DAB1: variants seen among roughly 807,000 people sequenced by gnomAD.
The protein encoded by DAB1 is disabled homolog 1.
Under a neutral mutation model 64.6 loss-of-function variants are expected in DAB1, and 15 were observed. The ratio of observed to expected loss-of-function variants is 0.23; its 90% confidence interval spans 0.16 to 0.36. DAB1 has a LOEUF of 0.36. Among genes scored for constraint, DAB1 ranks in the 10% least tolerant of loss-of-function variants. The pLI, the probability that DAB1 is intolerant of heterozygous loss-of-function variation, is 1.00. For synonymous variants in DAB1, 235 were observed against 251.9 expected (o/e 0.93, Z 0.64); for missense variants, 596 against 706.7 (o/e 0.84, Z 1.78).
intron 6 of DAB1, among the ~76,000 whole-genome samples, chr1:57,700,105 G>T (rs1646890134): frequency 1.3e-5 from 2 of 152,038 alleles, no homozygotes. Flanking sequence ...CTCCTCAGGT[G>T]CAATTGGTCA....
chr1:58,233,708 T>C (rs1264958486), intron 4 of DAB1, among the ~76,000 whole-genome samples: 1 of 151,950 alleles, frequency 6.6e-6, no homozygotes, highest in Non-Finnish European at 1.5e-5. Context: ...AAACCTGGAG[T>C]CCAGAAGGTC....
At chr1:58,476,872 G>C (rs528870050) in intron 3 of DAB1, among the ~76,000 whole-genome samples, 2 of 152,332 alleles carry the variant, frequency 1.3e-5, no homozygotes, top group African/African-American at 4.8e-5. Flanking sequence ...GTAAGTGGCA[G>C]TACATGGAGG....
chr1:58,172,048 C>T (rs547321408), intron 4 of DAB1, among the ~76,000 whole-genome samples: 81 of 152,226 alleles, frequency 5.3e-4, no homozygotes, highest in African/African-American at 1.6e-3. Flanking sequence ...TATGGATCCC[C>T]GGATACAGCG....
At chr1:58,214,824 A>G (rs139506673) in intron 4 of DAB1, among the ~76,000 whole-genome samples, 1,565 of 152,320 alleles carry the variant, frequency 0.01, 8 homozygotes, top group South Asian at 0.032. Flanking sequence ...GCAAATCTAA[A>G]GTAACTGCTC....
At chr1:57,670,965 T>G (rs1239484740) in intron 6 of DAB1, among the ~76,000 whole-genome samples, 1 of 152,162 alleles carries the variant, frequency 6.6e-6, no homozygotes, top group Non-Finnish European at 1.5e-5. Context: ...TCCCATATAT[T>G]TTAAATCATC....
At chr1:57,968,589 T>A (rs888376927) in intron 5 of DAB1, among the ~76,000 whole-genome samples, 2 of 152,144 alleles carry the variant, frequency 1.3e-5, no homozygotes, top group African/African-American at 4.8e-5. Flanking sequence ...AGAACACAGA[T>A]GCATGAGTCA....
At chr1:57,498,579 G>A (rs1425413593) in intron 7 of DAB1, among the ~76,000 whole-genome samples, 4 of 152,192 alleles carry the variant, frequency 2.6e-5, no homozygotes, top group Non-Finnish European at 5.9e-5. Context: ...CTTGAGTTAA[G>A]GACATTGAGA....
intron 2 of DAB1, among the ~76,000 whole-genome samples, chr1:57,235,931 T>C (rs1668056823): frequency 6.6e-6 from 1 of 152,184 alleles, no homozygotes; most frequent in African/African-American, 2.4e-5. Flanking sequence ...GTCAGCAATA[T>C]CGGTTGAAAT....
chr1:57,468,898 T>A (rs557980961), intron 7 of DAB1, among the ~76,000 whole-genome samples: 1 of 152,190 alleles, frequency 6.6e-6, no homozygotes. Context: ...TTGATCACTG[T>A]GCTATGGTGT....
At chr1:57,631,209 C>T (rs1193399543) in intron 7 of DAB1, among the ~76,000 whole-genome samples, 1 of 152,080 alleles carries the variant, frequency 6.6e-6, no homozygotes, top group Non-Finnish European at 1.5e-5. Context: ...GTTGTTCAAA[C>T]AAAAACTCAA....
At chr1:58,206,570 C>A (rs1658295505) in intron 4 of DAB1, among the ~76,000 whole-genome samples, 1 of 152,178 alleles carries the variant, frequency 6.6e-6, no homozygotes, top group South Asian at 2.1e-4. Context: ...GTTATAACCT[C>A]CCACAAATAA....
At chr1:57,395,218 G>A (rs1391059502) in intron 1 of DAB1, among the ~76,000 whole-genome samples, 1 of 152,110 alleles carries the variant, frequency 6.6e-6, no homozygotes, top group African/African-American at 2.4e-5. Context: ...TAGAGACGGG[G>A]TTTCGCCATG....
chr1:57,902,908 C>T (rs982959905), intron 5 of DAB1, among the ~76,000 whole-genome samples: 6 of 152,084 alleles, frequency 3.9e-5, no homozygotes, highest in Admixed American at 1.3e-4. Flanking sequence ...AAGACATACC[C>T]GAGACTGGGT....
At chr1:57,947,721 G>A (rs141298644) in intron 5 of DAB1, among the ~76,000 whole-genome samples, 4 of 152,234 alleles carry the variant, frequency 2.6e-5, no homozygotes, top group African/African-American at 7.2e-5. Context: ...AGAAATTGAC[G>A]CCTATGGAGA....
chr1:57,522,110 A>AC (rs1490014239), intron 7 of DAB1, among the ~76,000 whole-genome samples: 15 of 130,362 alleles, frequency 1.2e-4, no homozygotes, highest in African/African-American at 5.9e-4. Context: ...ACTCCATCTC[A>AC]AAAAAAAAAG....
chr1:58,382,713 G>A (rs1414263920), intron 3 of DAB1, among the ~76,000 whole-genome samples: 1 of 152,184 alleles, frequency 6.6e-6, no homozygotes, highest in African/African-American at 2.4e-5. Context: ...TGTAAATTTG[G>A]TTATTGCTCA....
chr1:57,032,662 A>G (rs1006406199), intron 9 of DAB1, among the ~76,000 whole-genome samples: 5 of 152,126 alleles, frequency 3.3e-5, no homozygotes, highest in Non-Finnish European at 5.9e-5. Context: ...ACCCCTAAAG[A>G]TTCAGAATTA....
chr1:58,092,509 A>G (rs1036976062), intron 5 of DAB1, among the ~76,000 whole-genome samples: 6 of 152,036 alleles, frequency 3.9e-5, no homozygotes, highest in African/African-American at 1.2e-4. Context: ...CTCCTTGCCC[A>G]TCTCTTTTTA....
chr1:58,148,855 C>T (rs1315893827), intron 5 of DAB1, among the ~76,000 whole-genome samples: 1 of 152,062 alleles, frequency 6.6e-6, no homozygotes, highest in African/African-American at 2.4e-5. Context: ...AGCTACAATT[C>T]AAGATGATAT....
Sources: gnomAD v4.1 joint callset for allele counts (sites outside exome capture counted in the v4.1 genomes callset) on GRCh38, gnomAD v4.1.1 for gene constraint, MANE v1.5 for transcripts, NCBI Gene and HGNC (gene_info 2026-07-23, HGNC 2026-07-21) for gene names.